Variants in TAFA2 observed in about 807,000 individuals in gnomAD.
The protein encoded by TAFA2 is chemokine-like protein TAFA-2.
Under a neutral mutation model 18.8 loss-of-function variants are expected in TAFA2, and 7 were observed. The observed-to-expected ratio is 0.37, with a 90% confidence interval of 0.21 to 0.70. The LOEUF (loss-of-function observed/expected upper bound fraction) is 0.70, where lower values mean the gene tolerates loss of function less well. Ranked by LOEUF, TAFA2 falls within the 30% of genes least tolerant of loss-of-function variation. The pLI is 0.53. For synonymous variants in TAFA2, 60 were observed against 54.2 expected (o/e 1.11, Z -0.47); for missense variants, 122 against 158.1 (o/e 0.77, Z 1.23).
intron 1 of TAFA2, among the ~76,000 whole-genome samples, chr12:62,251,371 G>A (rs2062913023): frequency 6.6e-6 from 1 of 152,200 alleles, no homozygotes; most frequent in Non-Finnish European, 1.5e-5. Context: ...AAAATGAACT[G>A]CCTGGGTTAC....
intron 1 of TAFA2, among the ~76,000 whole-genome samples, chr12:61,891,284 CAGG>C (rs1203470375): frequency 1.3e-5 from 2 of 152,054 alleles, no homozygotes; most frequent in African/African-American, 2.4e-5. Flanking sequence ...GCAGCAGAAG[CAGG>C]AGAAGCAGAA....
At chr12:61,977,889 T>G (rs906968725) in intron 1 of TAFA2, among the ~76,000 whole-genome samples, 2 of 144,156 alleles carry the variant, frequency 1.4e-5, no homozygotes, top group Non-Finnish European at 3.0e-5. Context: ...CCTTTGATTG[T>G]GAAGGGGAGA....
intron 1 of TAFA2, among the ~76,000 whole-genome samples, chr12:62,002,886 C>T (rs1880425283): frequency 6.6e-6 from 1 of 152,106 alleles, no homozygotes; most frequent in Non-Finnish European, 1.5e-5. Flanking sequence ...CCTTCCAGTA[C>T]ATCAATTCAC....
At chr12:61,759,392 A>G (rs563575265) in intron 2 of TAFA2, among the ~76,000 whole-genome samples, 1 of 151,858 alleles carries the variant, frequency 6.6e-6, no homozygotes, top group Admixed American at 6.6e-5. Flanking sequence ...ACTAATATCA[A>G]TTCTATATGG....
chr12:62,095,348 C>A (rs184541388), intron 1 of TAFA2, among the ~76,000 whole-genome samples: 1 of 152,000 alleles, frequency 6.6e-6, no homozygotes, highest in Admixed American at 6.6e-5. Flanking sequence ...CAAATAAATA[C>A]GTGAGTGTTA....
Position 61,850,243 on chromosome 12 carries a change from GA to G in TAFA2, c.106+17076del, listed in dbSNP as rs1873587092. Reference sequence around the variant, plus strand: ...GAGGGCAAAATTGAAAAAAAAGATTGACAAGCACTTCTCTAAGTAAGTAAGC... The same window carrying G: ...GAGGGCAAAATTGAAAAAAAAGATTGCAAGCACTTCTCTAAGTAAGTAAGC... On this transcript the variant is annotated intron_variant, in intron 2 of 4. Transcript: ENST00000416284. Among the ~76,000 whole-genome samples, 3 of 151,998 alleles carry G rather than the reference GA, an allele frequency of 2.0e-5. No individual in the cohort carries two copies. In the South Asian group the frequency reaches 6.2e-4, roughly 32 times the overall value.
chr12:62,206,754 A>T (rs1441923400), intron 1 of TAFA2: 1 of 152,236 alleles, frequency 6.6e-6, no homozygotes, highest in African/African-American at 2.4e-5. Flanking sequence ...CTAGAATTAC[A>T]GGCAAGAGCC....
chr12:61,879,933 A>C (rs1875043633), intron 1 of TAFA2: 2 of 894,514 alleles, frequency 2.2e-6, no homozygotes, highest in South Asian at 1.3e-5. Context: ...GATGAAGCTT[A>C]CAAGAACAAG....
Position 61,760,365 on chromosome 12 carries a change from A to T in TAFA2, c.107-5341T>A, listed in dbSNP as rs1019677445. 1.4e-4 allele frequency among the ~76,000 whole-genome samples: 17 copies of T among 122,178 alleles called. No homozygotes were observed. In the South Asian group the frequency reaches 2.2e-3, roughly 16 times the overall value. The allele number at this position is 122,178 out of a possible 152,430, so 80.2% of individuals were successfully genotyped here. On this transcript the variant is annotated intron_variant, in intron 2 of 4. Coordinates refer to ENST00000416284, the MANE Select transcript of TAFA2 (RefSeq NM_178539.5). ...TTGGCATTGGTAGGAAAAATATCAA[A>T]ATATATATATATATATATGCGCCAG...
intron 4 of TAFA2, among the ~76,000 whole-genome samples, chr12:61,745,096 C>G (rs1189605357): frequency 6.6e-6 from 1 of 151,916 alleles, no homozygotes; most frequent in African/African-American, 2.4e-5. Flanking sequence ...TCTCTCATTA[C>G]TATAGAAAAA....
intron 2 of TAFA2, among the ~76,000 whole-genome samples, chr12:61,767,596 A>G (rs1253760224): frequency 1.3e-5 from 2 of 152,068 alleles, no homozygotes; most frequent in Non-Finnish European, 2.9e-5. Flanking sequence ...ACAATCCAAC[A>G]AAATCTTTTC....
At chr12:61,806,538 C>T (rs549480042) in intron 2 of TAFA2, among the ~76,000 whole-genome samples, 35 of 152,246 alleles carry the variant, frequency 2.3e-4, no homozygotes, top group African/African-American at 6.5e-4. Context: ...CACTGCTGAA[C>T]AGATACCCAA....
chr12:61,730,100 A>G (rs777852521), intron 4 of TAFA2, among the ~76,000 whole-genome samples: 2 of 152,130 alleles, frequency 1.3e-5, no homozygotes, highest in African/African-American at 2.4e-5. Flanking sequence ...CCAGCCATGG[A>G]TACCAGCACC....
chr12:61,867,528 C>A, intron 1 of TAFA2, 102 bp from the exon 2 acceptor site: 1 of 658,362 alleles, frequency 1.5e-6, no homozygotes, highest in South Asian at 1.8e-5. Flanking sequence ...TTAACCCCTT[C>A]AACTTCTGAA....
intron 1 of TAFA2, among the ~76,000 whole-genome samples, chr12:62,131,579 G>A (rs570020474): frequency 6.6e-6 from 1 of 151,978 alleles, no homozygotes; most frequent in East Asian, 1.9e-4. Context: ...GAGTGGCCCT[G>A]TGTGTACTGC....
At chr12:62,059,010 G>C (rs1882266484) in intron 1 of TAFA2, among the ~76,000 whole-genome samples, 1 of 152,132 alleles carries the variant, frequency 6.6e-6, no homozygotes, top group Non-Finnish European at 1.5e-5. Context: ...GGCTGAGGCA[G>C]GAGAATGGCG....
chr12:61,716,164 T>C (rs550154401), intron 4 of TAFA2, among the ~76,000 whole-genome samples: 6 of 152,294 alleles, frequency 3.9e-5, no homozygotes, highest in African/African-American at 1.2e-4. Flanking sequence ...TATTCAGATA[T>C]GTGTAAATTT....
At chr12:61,870,783 G>A (rs933699015) in intron 1 of TAFA2, among the ~76,000 whole-genome samples, 2 of 152,122 alleles carry the variant, frequency 1.3e-5, no homozygotes, top group Non-Finnish European at 2.9e-5. Context: ...ACTAGTAGAA[G>A]GGCAGGTTAG....
intron 1 of TAFA2, among the ~76,000 whole-genome samples, chr12:62,205,434 C>G (rs1347909932): frequency 6.6e-6 from 1 of 152,246 alleles, no homozygotes; most frequent in East Asian, 1.9e-4. Flanking sequence ...GGGAGAAAGA[C>G]TAAGTCTGCT....
Sources: allele counts gnomAD v4.1 joint callset (sites outside exome capture counted in the v4.1 genomes callset), GRCh38; gene constraint gnomAD v4.1.1; transcripts MANE v1.5; gene names NCBI Gene and HGNC (gene_info 2026-07-23, HGNC 2026-07-21).